FILIP1L: variants seen among roughly 807,000 people sequenced by gnomAD.
The protein encoded by FILIP1L is filamin A-interacting protein 1-like.
A neutral mutation model predicts 96.6 loss-of-function variants in FILIP1L; 55 were observed. The observed-to-expected ratio is 0.57, with a 90% confidence interval of 0.46 to 0.71. FILIP1L has a LOEUF of 0.71. Ranked by LOEUF, FILIP1L falls within the 30% of genes least tolerant of loss-of-function variation. The pLI, the probability that FILIP1L is intolerant of heterozygous loss-of-function variation, is 0.00. For synonymous variants in FILIP1L, 467 were observed against 473.9 expected (o/e 0.99, Z 0.19); for missense variants, 1,304 against 1,321.2 (o/e 0.99, Z 0.20).
intron 1 of FILIP1L, among the ~76,000 whole-genome samples, chr3:100,044,465 T>C (rs2065250355): frequency 6.6e-6 from 1 of 152,046 alleles, no homozygotes; most frequent in Non-Finnish European, 1.5e-5. Context: ...AAACAGAGTA[T>C]ACAAGAGCAT....
chr3:100,098,937 GCCA>G (rs2066259006), intron 1 of FILIP1L, among the ~76,000 whole-genome samples: 1 of 152,196 alleles, frequency 6.6e-6, no homozygotes, highest in African/African-American at 2.4e-5. Context: ...TATAAATAAT[GCCA>G]GTTAAGATGG....
At chr3:100,013,329 C>T (rs764297023) in intron 1 of FILIP1L, among the ~76,000 whole-genome samples, 3 of 151,962 alleles carry the variant, frequency 2.0e-5, no homozygotes, top group Non-Finnish European at 4.4e-5. Flanking sequence ...CTGAATCCTC[C>T]ACTTCCCAGG....
chr3:100,012,998 A>G (rs958582755), intron 1 of FILIP1L, among the ~76,000 whole-genome samples: 2 of 151,602 alleles, frequency 1.3e-5, no homozygotes, highest in Non-Finnish European at 2.9e-5. Flanking sequence ...GGGTTTTGTC[A>G]TGTTGTCCGG....
chr3:100,002,202 T>G (rs1278186555), intron 1 of FILIP1L, among the ~76,000 whole-genome samples: 1 of 152,240 alleles, frequency 6.6e-6, no homozygotes, highest in East Asian at 1.9e-4. Flanking sequence ...TAAAAGCTGC[T>G]GGGTAAATCA....
intron 4 of FILIP1L, among the ~76,000 whole-genome samples, chr3:99,891,567 T>TG (rs1318466486): frequency 6.6e-6 from 1 of 152,132 alleles, no homozygotes; most frequent in African/African-American, 2.4e-5. Context: ...TTGGATTTTT[T>TG]GGGTTTTTTT....
At chr3:99,863,558 A>G (rs1260047355) in intron 4 of FILIP1L, among the ~76,000 whole-genome samples, 1 of 152,134 alleles carries the variant, frequency 6.6e-6, no homozygotes, top group East Asian at 1.9e-4. Context: ...ATTGAAAGAT[A>G]CCCTAGTTGT....
intron 1 of FILIP1L, among the ~76,000 whole-genome samples, chr3:99,941,781 G>A (rs1454112666): frequency 6.6e-6 from 1 of 151,946 alleles, no homozygotes; most frequent in Non-Finnish European, 1.5e-5. Flanking sequence ...TAAAAAATTT[G>A]GAAAAAATAT....
intron 5 of FILIP1L, chr3:99,833,197 G>A: frequency 1.3e-6 from 2 of 1,590,906 alleles, no homozygotes; most frequent in Non-Finnish European, 1.7e-6. Flanking sequence ...ATGAAGACTG[G>A]GATTTGGAAT....
At chr3:99,984,191 A>G (rs1055064641) in intron 1 of FILIP1L, among the ~76,000 whole-genome samples, 1 of 152,122 alleles carries the variant, frequency 6.6e-6, no homozygotes, top group African/African-American at 2.4e-5. Context: ...TGAAATTGGA[A>G]TGTGATTGTT....
intron 1 of FILIP1L, among the ~76,000 whole-genome samples, chr3:100,043,313 A>C (rs918433053): frequency 6.6e-6 from 1 of 152,194 alleles, no homozygotes; most frequent in Admixed American, 6.5e-5. Context: ...TTGAAAGATT[A>C]TATTTTGTCT....
chr3:99,892,709 C>A (rs1223981603), intron 4 of FILIP1L, among the ~76,000 whole-genome samples: 1 of 152,156 alleles, frequency 6.6e-6, no homozygotes, highest in African/African-American at 2.4e-5. Flanking sequence ...AACTCTCCCC[C>A]AATTCCTTAC....
intron 4 of FILIP1L, among the ~76,000 whole-genome samples, chr3:99,921,753 TTCTC>T (rs1707130332): frequency 6.6e-6 from 1 of 152,212 alleles, no homozygotes; most frequent in East Asian, 1.9e-4. Context: ...CTTAAGTTCT[TTCTC>T]TTAAATTCAT....
At chr3:99,851,590 T>G (rs1943699616) in intron 4 of FILIP1L, among the ~76,000 whole-genome samples, 1 of 152,242 alleles carries the variant, frequency 6.6e-6, no homozygotes, top group South Asian at 2.1e-4. Context: ...CTCATTGTCC[T>G]GGCACATGGT....
intron 1 of FILIP1L, among the ~76,000 whole-genome samples, chr3:100,032,735 T>C (rs756235813): frequency 1.3e-5 from 2 of 152,226 alleles, no homozygotes; most frequent in Non-Finnish European, 2.9e-5. Context: ...CAGCTTTTGT[T>C]GCTTTGTAGG....
At chr3:99,940,265 T>C (rs985553688) in intron 1 of FILIP1L, among the ~76,000 whole-genome samples, 16 of 152,130 alleles carry the variant, frequency 1.1e-4, no homozygotes, top group African/African-American at 2.9e-4. Flanking sequence ...CCAAGTTAGG[T>C]TTAAATGCAT....
intron 4 of FILIP1L, among the ~76,000 whole-genome samples, chr3:99,906,802 GGTCATCCCT>G (rs1449542231): frequency 6.6e-6 from 1 of 152,038 alleles, no homozygotes; most frequent in Non-Finnish European, 1.5e-5. Context: ...TAGAAGAGAT[GGTCATCCCT>G]AACTTGAAAG....
Position 99,924,307 on chromosome 3 carries a change from C to T in FILIP1L, c.528G>A (p.Glu176=), listed in dbSNP as rs776009734. ...KSRRQTILEL[E]EEKRKHKEYM... Reference sequence around the variant, plus strand: ...ATTCTTTATGTTTTCTCTTTTCTTCCTCCAACTCCAATATGGTTTGCCTAC... The same window carrying T: ...ATTCTTTATGTTTTCTCTTTTCTTCTTCCAACTCCAATATGGTTTGCCTAC... Residue 176 remains glutamate (E), a synonymous_variant, in exon 4 of 6, where the codon GAG becomes GAA. Transcript: ENST00000477258. 1.2e-6 allele frequency: 2 copies of T among 1,613,952 alleles called. No individual in the cohort carries two copies. Among genetic ancestry groups the T allele is most frequent in the East Asian group, 2.2e-5 (1 of 44,874 alleles).
chr3:99,833,725 C>T (rs920307809), intron 5 of FILIP1L, among the ~76,000 whole-genome samples: 2 of 152,350 alleles, frequency 1.3e-5, no homozygotes, highest in South Asian at 4.1e-4. Flanking sequence ...CACACCTTAG[C>T]TCTAGAGGTT....
intron 1 of FILIP1L, among the ~76,000 whole-genome samples, chr3:99,943,119 T>C (rs4928230): frequency 0.49 from 74,997 of 151,968 alleles, 18,918 homozygotes; most frequent in East Asian, 0.69. Context: ...AGCCTGTTTC[T>C]TTAAAGGCGA....
Sources: gnomAD v4.1 joint callset for allele counts (sites outside exome capture counted in the v4.1 genomes callset) on GRCh38, gnomAD v4.1.1 for gene constraint, MANE v1.5 for transcripts, NCBI Gene and HGNC (gene_info 2026-07-23, HGNC 2026-07-21) for gene names.